The following GRM8 variants were observed in gnomAD, a reference collection of about 807,000 sequenced individuals.
GRM8 encodes glutamate metabotropic receptor 8.
Under a neutral mutation model 87.2 loss-of-function variants are expected in GRM8, and 47 were observed. The observed-to-expected ratio is 0.54, with a 90% confidence interval of 0.43 to 0.69. The LOEUF (loss-of-function observed/expected upper bound fraction) is 0.69, where lower values mean the gene tolerates loss of function less well. Among genes scored for constraint, GRM8 ranks in the 30% least tolerant of loss-of-function variants. The pLI, the probability that GRM8 is intolerant of heterozygous loss-of-function variation, is 0.00. For missense variants in GRM8, 1,019 were observed against 1,139.2 expected (o/e 0.89, Z 1.52); for synonymous variants, 396 against 404.5 (o/e 0.98, Z 0.25).
intron 3 of GRM8, among the ~76,000 whole-genome samples, chr7:126,911,526 T>C (rs1182957285): frequency 1.3e-5 from 2 of 152,250 alleles, no homozygotes. Flanking sequence ...TTCTGTTTCA[T>C]TCAAACATTT....
chr7:126,477,607 G>GAAAGAAAGAAAGAAAT (rs1806132624), intron 9 of GRM8, among the ~76,000 whole-genome samples: 1 of 121,198 alleles, frequency 8.3e-6, no homozygotes, highest in South Asian at 2.7e-4. Context: ...AAGAAAGAAA[G>GAAAGAAAGAAAGAAAT]AAAGAAAGAA....
rs527962728 is a variant in GRM8 at position 127,019,831 on chromosome 7, A to G, written c.727+86665T>C. 3.3e-5 allele frequency among the ~76,000 whole-genome samples: 5 copies of G among 152,072 alleles called. No homozygotes were observed. In the South Asian group the frequency reaches 1.0e-3, roughly 31 times the overall value. The stretch of plus-strand genomic sequence containing the variant: ...CTGAGCTTTGGTTTCCTGAATACCT[A>G]TATTTTGTGAGTATTAAATGAGATC... On this transcript the variant is annotated intron_variant, in intron 3 of 10. Transcript: ENST00000339582.
chr7:126,882,053 T>G (rs1800072946), intron 6 of GRM8, among the ~76,000 whole-genome samples: 1 of 152,200 alleles, frequency 6.6e-6, no homozygotes, highest in Non-Finnish European at 1.5e-5. Flanking sequence ...GCAGACAATT[T>G]TATCTTACAC....
At chr7:126,986,147 G>A (rs910774529) in intron 3 of GRM8, among the ~76,000 whole-genome samples, 2 of 152,040 alleles carry the variant, frequency 1.3e-5, no homozygotes, top group East Asian at 1.9e-4. Context: ...CTGAGTAGCT[G>A]GGACTAAAAG....
intron 7 of GRM8, among the ~76,000 whole-genome samples, chr7:126,641,436 T>C (rs948958554): frequency 2.0e-5 from 3 of 152,158 alleles, no homozygotes; most frequent in Admixed American, 6.5e-5. Flanking sequence ...AAGACACAAA[T>C]ACTATTAATC....
intron 3 of GRM8, among the ~76,000 whole-genome samples, chr7:127,003,218 A>C (rs1419519277): frequency 6.6e-6 from 1 of 151,762 alleles, no homozygotes; most frequent in Non-Finnish European, 1.5e-5. Flanking sequence ...TGCATGGGAC[A>C]CTTTACAACT....
chr7:126,534,009 A>G, intron 8 of GRM8, 122 bp from the exon 9 acceptor site: 1 of 731,800 alleles, frequency 1.4e-6, no homozygotes, highest in Non-Finnish European at 2.2e-6. Context: ...TACCATAATA[A>G]GAGTCTCGTT....
At chr7:126,947,813 A>G (rs1807708782) in intron 3 of GRM8, among the ~76,000 whole-genome samples, 2 of 152,180 alleles carry the variant, frequency 1.3e-5, no homozygotes, top group African/African-American at 2.4e-5. Flanking sequence ...GCCAGAAGCA[A>G]GCTGAAAAGT....
intron 2 of GRM8, among the ~76,000 whole-genome samples, chr7:127,153,363 A>G (rs1792523646): frequency 6.6e-6 from 1 of 152,144 alleles, no homozygotes; most frequent in South Asian, 2.1e-4. Flanking sequence ...TGATAGCACA[A>G]GGAGTATGAG....
chr7:127,242,003 T>TATTG (rs1798331901), intron 2 of GRM8, among the ~76,000 whole-genome samples: 1 of 152,218 alleles, frequency 6.6e-6, no homozygotes, highest in Admixed American at 6.5e-5. Flanking sequence ...TTATTCAATA[T>TATTG]GTAAATGCAA....
chr7:126,733,890 C>T (rs1159944698), intron 7 of GRM8, among the ~76,000 whole-genome samples: 1 of 151,864 alleles, frequency 6.6e-6, no homozygotes, highest in East Asian at 1.9e-4. Context: ...GATGTGCTAA[C>T]CAATGCAATT....
intron 6 of GRM8, among the ~76,000 whole-genome samples, chr7:126,779,667 T>A (rs2151635291): frequency 6.6e-6 from 1 of 152,320 alleles, no homozygotes; most frequent in Non-Finnish European, 1.5e-5. Flanking sequence ...TGCACATTTA[T>A]TTTTAAGTTA....
intron 6 of GRM8, among the ~76,000 whole-genome samples, chr7:126,901,459 A>G (rs2237774): frequency 0.4 from 60,569 of 152,060 alleles, 12,316 homozygotes; most frequent in East Asian, 0.66. Flanking sequence ...GAGCATGAAT[A>G]TTGCCTTTCT....
intron 8 of GRM8, among the ~76,000 whole-genome samples, chr7:126,541,228 G>T (rs1233736106): frequency 6.6e-6 from 1 of 152,186 alleles, no homozygotes; most frequent in Non-Finnish European, 1.5e-5. Context: ...AGGGTTCATG[G>T]ATGTGCAGAC....
chr7:126,994,484 C>T (rs1295071097), intron 3 of GRM8, among the ~76,000 whole-genome samples: 2 of 152,242 alleles, frequency 1.3e-5, no homozygotes, highest in Non-Finnish European at 2.9e-5. Flanking sequence ...ACTTATAGAC[C>T]TGCCCTAGGC....
chr7:126,619,722 CCTCT>C (rs1799912198), intron 7 of GRM8, among the ~76,000 whole-genome samples: 1 of 151,830 alleles, frequency 6.6e-6, no homozygotes, highest in South Asian at 2.1e-4. Flanking sequence ...AAAGGGTCTC[CCTCT>C]GTCACTCAGG....
chr7:126,586,269 T>C (rs544763482), intron 8 of GRM8, among the ~76,000 whole-genome samples: 1 of 152,276 alleles, frequency 6.6e-6, no homozygotes, highest in African/African-American at 2.4e-5. Context: ...AGGTAATTTA[T>C]AGATTTAATG....
chr7:126,991,021 A>G (rs1344778744), intron 3 of GRM8, among the ~76,000 whole-genome samples: 1 of 152,198 alleles, frequency 6.6e-6, no homozygotes, highest in African/African-American at 2.4e-5. Flanking sequence ...TAAATGTAAA[A>G]TGTACATTTG....
At chr7:126,668,275 G>A (rs566197932) in intron 7 of GRM8, among the ~76,000 whole-genome samples, 1 of 152,260 alleles carries the variant, frequency 6.6e-6, no homozygotes, top group African/African-American at 2.4e-5. Context: ...ATAGCCGTAG[G>A]ACGGACAAGG....
Sources: gnomAD v4.1 joint callset for allele counts (sites outside exome capture counted in the v4.1 genomes callset) on GRCh38, gnomAD v4.1.1 for gene constraint, MANE v1.5 for transcripts, NCBI Gene and HGNC (gene_info 2026-07-23, HGNC 2026-07-21) for gene names.